The following VTI1A variants were observed in gnomAD, a reference collection of about 807,000 sequenced individuals.
VTI1A encodes the protein vesicle transport through interaction with t-SNAREs 1A.
Under a neutral mutation model 34.9 loss-of-function variants are expected in VTI1A, and 22 were observed. The ratio of observed to expected loss-of-function variants is 0.63; its 90% confidence interval spans 0.45 to 0.90. The LOEUF (loss-of-function observed/expected upper bound fraction) is 0.90, where lower values mean the gene tolerates loss of function less well. VTI1A is among the 40% of genes least tolerant of loss of function. The pLI, the probability that VTI1A is intolerant of heterozygous loss-of-function variation, is 0.00. For missense variants in VTI1A, 268 were observed against 275.6 expected (o/e 0.97, Z 0.20); for synonymous variants, 87 against 97.3 (o/e 0.89, Z 0.62).
chr10:112,660,965 G>A (rs1847424268), intron 5 of VTI1A, among the ~76,000 whole-genome samples: 1 of 152,102 alleles, frequency 6.6e-6, no homozygotes, highest in Non-Finnish European at 1.5e-5. Flanking sequence ...AAAAAGAAAT[G>A]TTTTTATTTT....
chr10:112,754,532 C>T (rs1851216009), intron 7 of VTI1A, among the ~76,000 whole-genome samples: 1 of 152,216 alleles, frequency 6.6e-6, no homozygotes. Context: ...GTAATTCTCA[C>T]CTGTACACAC....
chr10:112,571,515 G>A (rs1007029882), intron 5 of VTI1A, among the ~76,000 whole-genome samples: 5 of 152,190 alleles, frequency 3.3e-5, no homozygotes, highest in African/African-American at 1.2e-4. Context: ...ATGGAGAAAA[G>A]GGACACTTAT....
At chr10:112,829,261 G>A in the VTI1A span, among the ~76,000 whole-genome samples, 114 of 151,574 alleles carry the variant, frequency 7.5e-4, 1 homozygote, top group African/African-American at 2.6e-3. Context: ...GGGCTAACAC[G>A]GTGAAACCCC....
chr10:112,811,068 T>G (rs1441107473), intron 7 of VTI1A, among the ~76,000 whole-genome samples: 1 of 152,160 alleles, frequency 6.6e-6, no homozygotes, highest in East Asian at 1.9e-4. Flanking sequence ...GACGGTAGCG[T>G]TATCACTCAG....
At chr10:112,804,235 GGAGACTGTCAGCAT>G (rs1852985564) in intron 7 of VTI1A, among the ~76,000 whole-genome samples, 1 of 152,200 alleles carries the variant, frequency 6.6e-6, no homozygotes, top group Non-Finnish European at 1.5e-5. Context: ...GCTGTGCTCA[GGAGACTGTCAGCAT>G]GAGGCCCAGA....
the VTI1A span, among the ~76,000 whole-genome samples, chr10:112,841,592 G>A: frequency 6.6e-6 from 1 of 152,140 alleles, no homozygotes; most frequent in Non-Finnish European, 1.5e-5. Context: ...TTGCTGCCAG[G>A]GACCAGGGAA....
chr10:112,545,139 A>G (rs950422998), intron 5 of VTI1A, among the ~76,000 whole-genome samples: 1 of 152,254 alleles, frequency 6.6e-6, no homozygotes, highest in East Asian at 1.9e-4. Context: ...GTGAAGATAC[A>G]GGAAAAATTA....
chr10:112,472,420 G>C (rs1330877312), intron 3 of VTI1A, among the ~76,000 whole-genome samples: 1 of 152,108 alleles, frequency 6.6e-6, no homozygotes, highest in East Asian at 1.9e-4. Context: ...AGGGTTCAAA[G>C]GATGTTGTGG....
intron 3 of VTI1A, among the ~76,000 whole-genome samples, chr10:112,474,222 T>C (rs1177824809): frequency 1.3e-5 from 2 of 151,952 alleles, no homozygotes; most frequent in African/African-American, 2.4e-5. Context: ...CCACCACACC[T>C]GGCTAATTTT....
intron 7 of VTI1A, among the ~76,000 whole-genome samples, chr10:112,800,691 G>A (rs1224530921): frequency 6.6e-6 from 1 of 152,068 alleles, no homozygotes; most frequent in South Asian, 2.1e-4. Context: ...TCCTTATATT[G>A]GTACTGTTTT....
chr10:112,586,443 A>G lies in VTI1A; in HGVS notation c.427+48113A>G, dbSNP rs112604813. Among the ~76,000 whole-genome samples, 829 of 152,278 alleles carry G rather than the reference A, an allele frequency of 5.4e-3. 8 individuals carry two copies. Among genetic ancestry groups the G allele is most frequent in the African/African-American group, 0.018 (749 of 41,556 alleles). Reference sequence around the variant, plus strand: ...CTGAGAAGGAATAAGTGAACATTACAGGTGCAAAAGAGAACCTTTTTCCTT... The same window carrying G: ...CTGAGAAGGAATAAGTGAACATTACGGGTGCAAAAGAGAACCTTTTTCCTT... On this transcript the variant is annotated intron_variant, in intron 5 of 7. Coordinates refer to ENST00000393077, the MANE Select transcript of VTI1A (RefSeq NM_145206.4).
intron 1 of VTI1A, among the ~76,000 whole-genome samples, chr10:112,454,560 C>T (rs1173573836): frequency 6.6e-6 from 1 of 152,136 alleles, no homozygotes; most frequent in Non-Finnish European, 1.5e-5. Flanking sequence ...TATGATCATG[C>T]CACTGCACTC....
the VTI1A span, among the ~76,000 whole-genome samples, chr10:112,843,488 A>T: frequency 6.6e-6 from 1 of 152,242 alleles, no homozygotes; most frequent in Non-Finnish European, 1.5e-5. Context: ...GAGGAATCGT[A>T]TGCAACACAC....
chr10:112,762,811 G>A (rs971266805), intron 7 of VTI1A, among the ~76,000 whole-genome samples: 4 of 152,040 alleles, frequency 2.6e-5, no homozygotes, highest in Non-Finnish European at 5.9e-5. Flanking sequence ...ATTGATTTCC[G>A]TGCTGGGCCT....
intron 7 of VTI1A, chr10:112,737,823 T>G (rs951046315): frequency 3.9e-5 from 41 of 1,060,670 alleles, no homozygotes; most frequent in Non-Finnish European, 4.7e-5. Flanking sequence ...GTCATTTTTC[T>G]TGCATTTCTT....
rs113215156 is a variant in VTI1A at position 112,668,214 on chromosome 10, G to C, written c.428-4G>C. 6.2e-7 allele frequency: 1 copy of C among 1,611,416 alleles called. No homozygotes were observed. ...TTTCCTCACTCAAATTTTCTTTTCCGTAGAGCAAATTGGTCAGGAGATGTT... is the reference window on the plus strand; with the variant it reads ...TTTCCTCACTCAAATTTTCTTTTCCCTAGAGCAAATTGGTCAGGAGATGTT... On this transcript the variant is annotated splice_polypyrimidine_tract_variant and splice_region_variant and intron_variant, in intron 5 of 7. Transcript: ENST00000393077.
chr10:112,688,489 T>C (rs551755078), intron 7 of VTI1A, among the ~76,000 whole-genome samples: 22 of 151,736 alleles, frequency 1.4e-4, no homozygotes, highest in Non-Finnish European at 2.4e-4. Flanking sequence ...GTTGTTAACA[T>C]TGCAGCTTGT....
intron 5 of VTI1A, among the ~76,000 whole-genome samples, chr10:112,606,161 G>C (rs1845073051): frequency 6.6e-6 from 1 of 151,894 alleles, no homozygotes; most frequent in East Asian, 1.9e-4. Context: ...GAGTAGCTGG[G>C]ATTACAGGTG....
chr10:112,596,201 T>C (rs1844636252), intron 5 of VTI1A, among the ~76,000 whole-genome samples: 1 of 151,830 alleles, frequency 6.6e-6, no homozygotes, highest in South Asian at 2.1e-4. Context: ...TTAGGAGATA[T>C]ACCTAATGCT....
Sources: allele counts gnomAD v4.1 joint callset (sites outside exome capture counted in the v4.1 genomes callset), GRCh38; gene constraint gnomAD v4.1.1; transcripts MANE v1.5; gene names NCBI Gene and HGNC (gene_info 2026-07-23, HGNC 2026-07-21).